Variants in TRPM3 observed in about 807,000 individuals in gnomAD.
The protein encoded by TRPM3 is long transient receptor potential channel 3.
Under a neutral mutation model 181.2 loss-of-function variants are expected in TRPM3, and 77 were observed. That is an observed-to-expected ratio of 0.42 (90% confidence interval 0.35 to 0.51). The LOEUF (loss-of-function observed/expected upper bound fraction) is 0.51, where lower values mean the gene tolerates loss of function less well. TRPM3 is among the 20% of genes least tolerant of loss of function. The pLI is 0.01. For missense variants in TRPM3, 1,759 were observed against 2,196.7 expected (o/e 0.80, Z 3.98); for synonymous variants, 745 against 796.4 (o/e 0.94, Z 1.09).
At chr9:70,596,360 C>A (rs1042947887) in intron 21 of TRPM3, among the ~76,000 whole-genome samples, 3 of 152,118 alleles carry the variant, frequency 2.0e-5, no homozygotes, top group Non-Finnish European at 4.4e-5. Context: ...AGTAGAGATA[C>A]ACATACATAC....
At chr9:71,214,099 G>A (rs969527925) in intron 1 of TRPM3, among the ~76,000 whole-genome samples, 12 of 152,076 alleles carry the variant, frequency 7.9e-5, no homozygotes, top group Admixed American at 6.6e-4. Flanking sequence ...CTTAAAACAT[G>A]CAGAAATGAG....
chr9:70,884,958 T>C (rs762394795), intron 1 of TRPM3, among the ~76,000 whole-genome samples: 7 of 152,180 alleles, frequency 4.6e-5, no homozygotes, highest in Non-Finnish European at 8.8e-5. Flanking sequence ...GATAATTCCA[T>C]GAACTGCTTT....
chr9:70,758,752 T>C (rs2077536651), intron 8 of TRPM3, among the ~76,000 whole-genome samples: 2 of 152,226 alleles, frequency 1.3e-5, no homozygotes, highest in East Asian at 1.9e-4. Flanking sequence ...ATTTAATAAA[T>C]GGTGTTGGGA....
At chr9:71,226,310 T>C (rs1350462145) in intron 1 of TRPM3, among the ~76,000 whole-genome samples, 1 of 151,784 alleles carries the variant, frequency 6.6e-6, no homozygotes, top group Admixed American at 6.6e-5. Context: ...ACAAATAACA[T>C]CACAGGAGTA....
intron 22 of TRPM3, among the ~76,000 whole-genome samples, chr9:70,557,462 A>G (rs55833186): frequency 0.23 from 35,472 of 152,168 alleles, 4,835 homozygotes; most frequent in Admixed American, 0.31. Flanking sequence ...GTTTCTAATG[A>G]TGTCCTTGTT....
chr9:70,797,477 T>C (rs974483160), intron 6 of TRPM3, among the ~76,000 whole-genome samples: 5 of 152,224 alleles, frequency 3.3e-5, no homozygotes, highest in Admixed American at 3.3e-4. Flanking sequence ...TCCTTTAGTG[T>C]GATATACAAG....
At chr9:70,779,621 T>A (rs955836102) in intron 7 of TRPM3, among the ~76,000 whole-genome samples, 7 of 152,164 alleles carry the variant, frequency 4.6e-5, no homozygotes, top group African/African-American at 1.7e-4. Context: ...AGGTATGGTA[T>A]CCCCAACTAT....
chr9:71,226,908 A>C (rs1322880257), intron 1 of TRPM3, among the ~76,000 whole-genome samples: 1 of 152,048 alleles, frequency 6.6e-6, no homozygotes, highest in East Asian at 1.9e-4. Context: ...AAATATTTAT[A>C]GAACATTTAA....
chr9:70,612,964 A>C (rs756022703), intron 18 of TRPM3, among the ~76,000 whole-genome samples: 13 of 152,202 alleles, frequency 8.5e-5, no homozygotes, highest in Non-Finnish European at 1.8e-4. Context: ...TGACTTTCCC[A>C]ACAGAGCTAT....
chr9:71,302,985 T>C (rs2086917364), intron 1 of TRPM3, among the ~76,000 whole-genome samples: 1 of 152,058 alleles, frequency 6.6e-6, no homozygotes, highest in Non-Finnish European at 1.5e-5. Context: ...GTTTCGGAAC[T>C]TGAAGCCTAA....
At chr9:71,259,673 T>C (rs780426131) in intron 1 of TRPM3, among the ~76,000 whole-genome samples, 7 of 152,212 alleles carry the variant, frequency 4.6e-5, no homozygotes, top group Non-Finnish European at 7.3e-5. Context: ...TGCATGTTTG[T>C]TGGCCACATA....
intron 1 of TRPM3, among the ~76,000 whole-genome samples, chr9:71,284,439 C>T (rs1308109318): frequency 1.3e-5 from 2 of 152,126 alleles, no homozygotes; most frequent in African/African-American, 4.8e-5. Flanking sequence ...GAGAATACAA[C>T]ACTTGATCTG....
At chr9:70,861,939 T>TG (rs1439743037) in intron 3 of TRPM3, among the ~76,000 whole-genome samples, 1 of 29,910 alleles carries the variant, frequency 3.3e-5, no homozygotes, top group African/African-American at 1.3e-4. Context: ...GTGGCGGGGG[T>TG]GGGGGGCAGG....
intron 9 of TRPM3, among the ~76,000 whole-genome samples, chr9:70,665,596 C>T (rs1447421623): frequency 6.6e-6 from 1 of 152,158 alleles, no homozygotes; most frequent in Non-Finnish European, 1.5e-5. Context: ...TAACAGAGAA[C>T]TTCATGAGTG....
At chr9:70,817,901 A>G (rs569223459) in intron 6 of TRPM3, among the ~76,000 whole-genome samples, 1 of 152,202 alleles carries the variant, frequency 6.6e-6, no homozygotes, top group South Asian at 2.1e-4. Flanking sequence ...GCTTCCCAGG[A>G]AACTACATGT....
chr9:71,112,681 C>G (rs1015836280), intron 1 of TRPM3, among the ~76,000 whole-genome samples: 5 of 152,044 alleles, frequency 3.3e-5, no homozygotes, highest in African/African-American at 1.2e-4. Flanking sequence ...CCAAATTGAA[C>G]AAGATATGAT....
intron 6 of TRPM3, among the ~76,000 whole-genome samples, chr9:70,807,747 C>G (rs2091019360): frequency 6.6e-6 from 1 of 151,978 alleles, no homozygotes; most frequent in South Asian, 2.1e-4. Context: ...TCCATTCTAC[C>G]AAAAGGAGCT....
chr9:70,777,885 T>TAC (rs2081700274), intron 7 of TRPM3, among the ~76,000 whole-genome samples: 1 of 152,150 alleles, frequency 6.6e-6, no homozygotes, highest in Non-Finnish European at 1.5e-5. Flanking sequence ...AGCATATATA[T>TAC]ACACACAGAT....
chr9:70,616,951 C>T (rs888319417), intron 17 of TRPM3, among the ~76,000 whole-genome samples: 4 of 152,130 alleles, frequency 2.6e-5, no homozygotes, highest in African/African-American at 7.2e-5. Flanking sequence ...TCTCTCAATC[C>T]TAAAACAATT....
Sources: allele counts gnomAD v4.1 joint callset (sites outside exome capture counted in the v4.1 genomes callset), GRCh38; gene constraint gnomAD v4.1.1; transcripts MANE v1.5; gene names NCBI Gene and HGNC (gene_info 2026-07-23, HGNC 2026-07-21).